MTUS2: variants seen among roughly 807,000 people sequenced by gnomAD.
The protein encoded by MTUS2 is microtubule-associated tumor suppressor candidate 2.
Under a neutral mutation model 114.1 loss-of-function variants are expected in MTUS2, and 40 were observed. That is an observed-to-expected ratio of 0.35 (90% CI 0.27 to 0.46). The LOEUF is 0.46. MTUS2 is among the 20% of genes least tolerant of loss of function. The probability of loss-of-function intolerance (pLI) is 1.00; values close to 1 mark genes in which losing one functional copy is unlikely to be tolerated. For synonymous variants in MTUS2, 688 were observed against 672.0 expected (o/e 1.02, Z -0.37); for missense variants, 1,679 against 1,705.4 (o/e 0.98, Z 0.27).
Position 29,324,633 on chromosome 13 carries a change from A to T in MTUS2, c.2827A>T (p.Lys943Ter). 6.3e-7 allele frequency: 1 copy of T among 1,589,604 alleles called. No individual in the cohort carries two copies. The highest frequency in any genetic ancestry group is 8.6e-7 in the Non-Finnish European group (1 of 1,167,138). Residue 943 changes from lysine to a stop codon, truncating the protein, a stop_gained, in exon 7 of 16, where the codon AAA becomes TAA. Coordinates refer to ENST00000612955, the MANE Select transcript of MTUS2 (RefSeq NM_001033602.4). LOFTEE classifies it high-confidence loss of function. The part of the protein sequence containing the change: ...TPAGTKKDAQ[K>*]DQDTNKPAVS... ...CACAGGAACAAAGAAAGATGCTCAG[A>T]AAGATCAAGATACGAATAAACCTGC...
At chr13:29,402,965 G>C (rs767327275) in intron 8 of MTUS2, among the ~76,000 whole-genome samples, 44 of 152,266 alleles carry the variant, frequency 2.9e-4, no homozygotes, top group Non-Finnish European at 5.4e-4. Context: ...TCAATCTCCT[G>C]ACCTCGTGAT....
chr13:29,258,840 C>A (rs1199519369), intron 5 of MTUS2, among the ~76,000 whole-genome samples: 1 of 152,132 alleles, frequency 6.6e-6, no homozygotes, highest in Non-Finnish European at 1.5e-5. Context: ...GGGTGGGAAA[C>A]AAGGAAGGTT....
intron 5 of MTUS2, among the ~76,000 whole-genome samples, chr13:29,216,649 G>A (rs898719226): frequency 2.0e-5 from 3 of 152,168 alleles, no homozygotes; most frequent in African/African-American, 4.8e-5. Flanking sequence ...CGGGTGAGCT[G>A]ACACCCCACC....
intron 9 of MTUS2, among the ~76,000 whole-genome samples, chr13:29,474,772 T>G (rs961062784): frequency 2.0e-5 from 3 of 152,200 alleles, no homozygotes; most frequent in African/African-American, 7.2e-5. Flanking sequence ...ATAGTGGTTG[T>G]CCTTGACTCA....
intron 4 of MTUS2, among the ~76,000 whole-genome samples, chr13:29,068,531 C>T (rs1240868711): frequency 6.6e-6 from 1 of 151,828 alleles, no homozygotes; most frequent in Admixed American, 6.6e-5. Context: ...GAAGACAGAA[C>T]CATAAACCAG....
Position 28,935,136 on chromosome 13 carries a change from GTTCTT to G in MTUS2, c.-242-89315_-242-89311del, listed in dbSNP as rs139972602. On this transcript the variant is annotated intron_variant, in intron 2 of 15. Coordinates refer to ENST00000612955, the MANE Select transcript of MTUS2 (RefSeq NM_001033602.4). The stretch of plus-strand genomic sequence containing the variant: ...TCACTTCAGCACATGACATTTTGTA[GTTCTT>G]TTCTTCATTGCTGTGAAGTGTCCTA... Among the ~76,000 whole-genome samples the G allele has an allele frequency of 7.6e-3, 1,124 of 147,718 alleles. 16 individuals are homozygous for G. Among genetic ancestry groups the G allele is most frequent in the African/African-American group, 0.026 (1,045 of 40,056 alleles).
At chr13:29,212,836 T>C (rs968506293) in intron 5 of MTUS2, among the ~76,000 whole-genome samples, 4 of 152,294 alleles carry the variant, frequency 2.6e-5, no homozygotes, top group East Asian at 1.9e-4. Flanking sequence ...TCCTATACTT[T>C]AGGAATTTTT....
At chr13:29,053,109 G>A (rs1474417204) in intron 4 of MTUS2, among the ~76,000 whole-genome samples, 3 of 152,066 alleles carry the variant, frequency 2.0e-5, no homozygotes, top group Non-Finnish European at 4.4e-5. Flanking sequence ...CTTCATAGCA[G>A]CGTGAGAATG....
intron 7 of MTUS2, among the ~76,000 whole-genome samples, chr13:29,339,343 T>A (rs950566956): frequency 6.6e-6 from 1 of 152,080 alleles, no homozygotes; most frequent in Non-Finnish European, 1.5e-5. Context: ...CCTCTCCATG[T>A]CTCCTGATGG....
At chr13:29,398,992 G>A (rs900911309) in intron 8 of MTUS2, among the ~76,000 whole-genome samples, 2 of 152,154 alleles carry the variant, frequency 1.3e-5, no homozygotes, top group Non-Finnish European at 2.9e-5. Flanking sequence ...GGGCGAGTCC[G>A]TACAGTGAAG....
At chr13:28,953,365 C>T (rs590512) in intron 2 of MTUS2, among the ~76,000 whole-genome samples, 138,585 of 151,978 alleles carry the variant, frequency 0.91, 63,558 homozygotes, top group South Asian at 0.99. Context: ...AAAAATTAGC[C>T]GGGCATGGTG....
At chr13:29,282,566 A>G (rs1276031229) in intron 6 of MTUS2, among the ~76,000 whole-genome samples, 2 of 152,096 alleles carry the variant, frequency 1.3e-5, no homozygotes, top group Admixed American at 6.5e-5. Flanking sequence ...AAGTGCATCT[A>G]TTTGCCTGCA....
chr13:28,968,913 A>G (rs1883725119), intron 2 of MTUS2, among the ~76,000 whole-genome samples: 1 of 152,240 alleles, frequency 6.6e-6, no homozygotes, highest in African/African-American at 2.4e-5. Context: ...TTAAAATATT[A>G]AAAACTTTCT....
Position 29,254,381 on chromosome 13 carries a change from G to C in MTUS2, c.2645-27323G>C, listed in dbSNP as rs540697841. On this transcript the variant is annotated intron_variant, in intron 5 of 15. Coordinates refer to ENST00000612955, the MANE Select transcript of MTUS2 (RefSeq NM_001033602.4). ...ACCTGTACCCAGGCTGTGGGATAGA[G>C]TGGGGAAATGGATTTCAAAAATACT... 3.9e-5 allele frequency among the ~76,000 whole-genome samples: 6 copies of C among 152,350 alleles called. No individual in the cohort carries two copies. In the South Asian group the frequency reaches 1.2e-3, roughly 32 times the overall value.
chr13:29,278,485 A>G (rs1305397225), intron 5 of MTUS2, among the ~76,000 whole-genome samples: 2 of 152,238 alleles, frequency 1.3e-5, no homozygotes, highest in African/African-American at 4.8e-5. Context: ...TGGGCATCTT[A>G]TGGAAGAGAA....
rs749099936 is a variant in MTUS2 at position 29,359,308 on chromosome 13, C to T, written c.2952C>T (p.Pro984=). The part of the protein sequence containing the change: ...RTAAARNGFP[P]KPDPQAREAE... ...CGGCAGCTCGAAATGGGTTTCCGCC[C>T]AAGCCGGACCCGCAGGCCCGTGAGG... The change falls in exon 8 of 16, where the codon CCC becomes CCT. Residue 984 remains proline (P), a synonymous_variant. Transcript: ENST00000612955. The T allele has an allele frequency of 1.2e-6, 2 of 1,608,900 alleles. No homozygotes were observed. Among genetic ancestry groups the T allele is most frequent in the South Asian group, 1.1e-5 (1 of 90,022 alleles).
chr13:29,496,262 G>C lies in MTUS2; in HGVS notation c.3580-976G>C, dbSNP rs749081047. 1 of 152,624 alleles carries C rather than the reference G, an allele frequency of 6.6e-6. No homozygotes were observed. Among genetic ancestry groups the C allele is most frequent in the African/African-American group, 2.4e-5 (1 of 41,460 alleles). The allele number at this position is 152,624 out of a possible 1,614,324, so 9.5% of individuals were successfully genotyped here. On this transcript the variant is annotated intron_variant, in intron 12 of 15. Transcript: ENST00000612955. The surrounding 1 kb of genome is among the most constrained non-coding windows in gnomAD (Gnocchi z 4.3). ...AGAGCAGCCAGCTGCCTGCCTAGCT[G>C]ACAGGCATGGGAAGGTTGAGGGCTG...
chr13:29,473,507 A>C (rs116230256), intron 9 of MTUS2, among the ~76,000 whole-genome samples: 220 of 152,342 alleles, frequency 1.4e-3, no homozygotes, highest in African/African-American at 5.0e-3. Context: ...TGTTGTTTCA[A>C]GGATCACACT....
intron 9 of MTUS2, among the ~76,000 whole-genome samples, chr13:29,460,628 A>G (rs866583529): frequency 6.6e-6 from 1 of 152,110 alleles, no homozygotes; most frequent in African/African-American, 2.4e-5. Flanking sequence ...CCCAGCAACA[A>G]TGAGTTTATG....
Sources: allele counts gnomAD v4.1 joint callset (sites outside exome capture counted in the v4.1 genomes callset), GRCh38; gene constraint gnomAD v4.1.1; non-coding constraint Gnocchi (gnomAD v3.1); transcripts MANE v1.5; gene names NCBI Gene and HGNC (gene_info 2026-07-23, HGNC 2026-07-21).